ASTN2: variants seen among roughly 807,000 people sequenced by gnomAD.
ASTN2 encodes astrotactin-2.
In ASTN2, 54 loss-of-function variants were observed where a neutral mutation model predicts 139.8. The observed-to-expected ratio is 0.39, with a 90% CI of 0.31 to 0.48. The LOEUF (loss-of-function observed/expected upper bound fraction) is 0.48. Ranked by LOEUF, ASTN2 falls within the 20% of genes least tolerant of loss-of-function variation. The pLI is 0.95. For missense variants in ASTN2, 1,565 were observed against 1,725.1 expected (o/e 0.91, Z 1.64); for synonymous variants, 756 against 719.5 (o/e 1.05, Z -0.81).
At chr9:117,193,565 G>A (rs1360832372) in intron 3 of ASTN2, among the ~76,000 whole-genome samples, 9 of 150,016 alleles carry the variant, frequency 6.0e-5, no homozygotes, top group Non-Finnish European at 1.2e-4. Flanking sequence ...TTGAACTTGG[G>A]AGGCAGAGCT....
intron 19 of ASTN2, among the ~76,000 whole-genome samples, chr9:116,520,371 A>G (rs141950771): frequency 6.3e-4 from 96 of 152,272 alleles, no homozygotes; most frequent in African/African-American, 1.3e-3. Flanking sequence ...AATGTGATAG[A>G]CCACATAAAC....
At chr9:116,998,549 T>TCATCCATCCATCCATCCATCCATCCATC (rs35712923) in intron 7 of ASTN2, among the ~76,000 whole-genome samples, 2,783 of 150,628 alleles carry the variant, frequency 0.018, 35 homozygotes, top group Middle Eastern at 0.037. Flanking sequence ...AATTTGATTT[T>TCATCCATCCATCCATCCATCCATCCATC]CATCCATCCA....
chr9:116,817,090 C>T (rs903430927), intron 12 of ASTN2, among the ~76,000 whole-genome samples: 2 of 151,774 alleles, frequency 1.3e-5, no homozygotes, highest in African/African-American at 2.4e-5. Flanking sequence ...GTCAGGAGAT[C>T]GAGACCATTC....
At chr9:117,109,533 A>T (rs922078630) in intron 4 of ASTN2, among the ~76,000 whole-genome samples, 1 of 152,128 alleles carries the variant, frequency 6.6e-6, no homozygotes, top group African/African-American at 2.4e-5. Context: ...CAGCCACTTC[A>T]AAGTAAATAC....
In ASTN2 at chr9:116,698,726, C is replaced by A; in HGVS notation, c.2806+27045G>T. 1 of 1,614,174 alleles carries A rather than the reference C, an allele frequency of 6.2e-7. No individual in the cohort carries two copies. Among genetic ancestry groups the A allele is most frequent in the Non-Finnish European group, 8.5e-7 (1 of 1,180,034 alleles). ...TTACTTTTAGAGAGATGGACATGAG[C>A]CCGGAGGAAGTGGTTGCCAGCCCTA... is the stretch of plus-strand genomic sequence containing the variant. On this transcript the variant is annotated intron_variant, in intron 16 of 22. Transcript: ENST00000313400. This position sits in a 1 kb window ranked among gnomAD's most constrained non-coding sequence, Gnocchi z 4.4.
intron 1 of ASTN2, among the ~76,000 whole-genome samples, chr9:117,381,827 T>C (rs1299640820): frequency 2.6e-5 from 4 of 152,180 alleles, no homozygotes; most frequent in African/African-American, 9.7e-5. Flanking sequence ...GGTATGTGAA[T>C]TATATCTTAA....
At chr9:117,120,174 T>C (rs1829519931) in intron 4 of ASTN2, among the ~76,000 whole-genome samples, 1 of 151,256 alleles carries the variant, frequency 6.6e-6, no homozygotes, top group Non-Finnish European at 1.5e-5. Flanking sequence ...TGGTGGCTCA[T>C]TGGAAAACTT....
At chr9:116,875,213 T>C (rs530397610) in intron 10 of ASTN2, among the ~76,000 whole-genome samples, 17 of 152,212 alleles carry the variant, frequency 1.1e-4, no homozygotes, top group Non-Finnish European at 2.4e-4. Flanking sequence ...AAGAAAAAGT[T>C]CTTAAAGGAA....
At chr9:116,745,287 G>A (rs755470948) in intron 13 of ASTN2, among the ~76,000 whole-genome samples, 10 of 152,166 alleles carry the variant, frequency 6.6e-5, no homozygotes, top group Non-Finnish European at 1.3e-4. Context: ...TCAAGGGTTA[G>A]GCAGAGTGAC....
intron 12 of ASTN2, among the ~76,000 whole-genome samples, chr9:116,813,764 A>G (rs555401063): frequency 2.0e-5 from 3 of 152,294 alleles, no homozygotes; most frequent in African/African-American, 7.2e-5. Context: ...GCCAAGTGCG[A>G]TGGCTCATGC....
chr9:116,477,127 C>A (rs377705716), intron 20 of ASTN2, among the ~76,000 whole-genome samples: 1 of 151,940 alleles, frequency 6.6e-6, no homozygotes, highest in East Asian at 1.9e-4. Flanking sequence ...GGAATCTTGA[C>A]GCAGTGTGAG....
At chr9:117,044,747 C>T (rs749842537) in intron 5 of ASTN2, among the ~76,000 whole-genome samples, 12 of 152,112 alleles carry the variant, frequency 7.9e-5, no homozygotes, top group Non-Finnish European at 1.5e-4. Flanking sequence ...CGAATCCAGC[C>T]GATTTTTATT....
intron 4 of ASTN2, among the ~76,000 whole-genome samples, chr9:117,107,992 A>G (rs1438037800): frequency 6.6e-6 from 1 of 152,216 alleles, no homozygotes; most frequent in African/African-American, 2.4e-5. Context: ...AGCAGGAGGT[A>G]AGAAAGGGAA....
chr9:116,595,826 T>C (rs767730157), intron 19 of ASTN2, among the ~76,000 whole-genome samples: 5 of 152,160 alleles, frequency 3.3e-5, no homozygotes, highest in Non-Finnish European at 7.3e-5. Context: ...CTTATCACTG[T>C]TGGGAATGTA....
chr9:116,927,273 G>A (rs1834780941), intron 10 of ASTN2, among the ~76,000 whole-genome samples: 1 of 152,148 alleles, frequency 6.6e-6, no homozygotes, highest in Non-Finnish European at 1.5e-5. Context: ...TCTCCCAAAA[G>A]ACTGGTTTCT....
intron 7 of ASTN2, among the ~76,000 whole-genome samples, chr9:117,006,806 A>G (rs988899334): frequency 6.6e-6 from 1 of 151,856 alleles, no homozygotes; most frequent in African/African-American, 2.4e-5. Context: ...TCCTGGCCCC[A>G]CTACTAGTGC....
At chr9:116,589,375 T>C (rs1177832149) in intron 19 of ASTN2, among the ~76,000 whole-genome samples, 2 of 152,238 alleles carry the variant, frequency 1.3e-5, no homozygotes, top group Non-Finnish European at 1.5e-5. Flanking sequence ...TGGTCTCTCA[T>C]GTGCAGTGTT....
intron 1 of ASTN2, among the ~76,000 whole-genome samples, chr9:117,331,422 G>C (rs1828703195): frequency 6.6e-6 from 1 of 152,084 alleles, no homozygotes; most frequent in African/African-American, 2.4e-5. Flanking sequence ...TAGAAAGAAG[G>C]GCTTTGGAGA....
At chr9:116,468,643 T>C (rs1848722417) in intron 20 of ASTN2, among the ~76,000 whole-genome samples, 1 of 152,238 alleles carries the variant, frequency 6.6e-6, no homozygotes, top group Non-Finnish European at 1.5e-5. Context: ...ACACCTCTAA[T>C]CTGTTGCTAG....
Sources: allele counts gnomAD v4.1 joint callset (sites outside exome capture counted in the v4.1 genomes callset), GRCh38; gene constraint gnomAD v4.1.1; non-coding constraint Gnocchi (gnomAD v3.1); transcripts MANE v1.5; gene names NCBI Gene and HGNC (gene_info 2026-07-23, HGNC 2026-07-21).